Variants in DCK observed in about 807,000 individuals in gnomAD.
The protein encoded by DCK is deoxycytidine kinase.
Under a neutral mutation model 38.3 loss-of-function variants are expected in DCK, and 23 were observed. The ratio of observed to expected loss-of-function variants is 0.60; its 90% CI spans 0.43 to 0.85. DCK has a LOEUF of 0.85. DCK is among the 40% of genes least tolerant of loss of function. DCK has a pLI of 0.00. For missense variants in DCK, 259 were observed against 304.4 expected (o/e 0.85, Z 1.11); for synonymous variants, 108 against 100.6 (o/e 1.07, Z -0.44).
In DCK at chr4:71,009,359, T is replaced by C. The variant is rs1414878128; in HGVS notation, c.207+11177T>C. Among the ~76,000 whole-genome samples the C allele has an allele frequency of 2.0e-5, 3 of 152,176 alleles. No homozygotes were observed. The East Asian group carries it at 5.8e-4, about 29-fold the overall frequency. ...GCTTTCGTATATAAGACAAGACAATTTATAATAAGGTTGTCTGTTGAGCTT... is the reference window on the plus strand; with the variant it reads ...GCTTTCGTATATAAGACAAGACAATCTATAATAAGGTTGTCTGTTGAGCTT... On this transcript the variant is annotated intron_variant, in intron 2 of 6. Transcript: ENST00000286648.
intron 2 of DCK, among the ~76,000 whole-genome samples, chr4:71,021,355 G>A (rs972756353): frequency 2.6e-5 from 4 of 152,156 alleles, no homozygotes; most frequent in Non-Finnish European, 4.4e-5. Flanking sequence ...GATTACAGGC[G>A]TGAGCCACCG....
intron 2 of DCK, among the ~76,000 whole-genome samples, chr4:71,019,343 A>G (rs1740349790): frequency 6.6e-6 from 1 of 152,210 alleles, no homozygotes; most frequent in South Asian, 2.1e-4. Context: ...ATATTTATTG[A>G]GAAATTAAAA....
At chr4:71,011,232 CTTTTTTTTTTTTT>C (rs11322673) in intron 2 of DCK, among the ~76,000 whole-genome samples, 3 of 93,022 alleles carry the variant, frequency 3.2e-5, no homozygotes, top group Admixed American at 2.3e-4. Context: ...TGTGAGGTCT[CTTTTTTTTTTTTT>C]TTTTTTTTTT....
At chr4:71,000,705 G>T (rs529865321) in intron 2 of DCK, among the ~76,000 whole-genome samples, 1 of 152,246 alleles carries the variant, frequency 6.6e-6, no homozygotes, top group African/African-American at 2.4e-5. Context: ...CTTGAGCAGT[G>T]GTTTGTAGTT....
chr4:71,017,290 C>G (rs200344951), intron 2 of DCK, among the ~76,000 whole-genome samples: 2 of 152,124 alleles, frequency 1.3e-5, no homozygotes, highest in Non-Finnish European at 2.9e-5. Context: ...ACAGGTGCTG[C>G]AGAGGATGTG....
intron 2 of DCK, among the ~76,000 whole-genome samples, chr4:71,011,232 CTTT>C (rs11322673): frequency 7.5e-5 from 7 of 93,002 alleles, no homozygotes; most frequent in East Asian, 3.1e-4. Flanking sequence ...TGTGAGGTCT[CTTT>C]TTTTTTTTTT....
Position 70,994,688 on chromosome 4 carries a change from A to G in DCK, c.91+762A>G, listed in dbSNP as rs955400344. Among the ~76,000 whole-genome samples, 3 of 152,306 alleles carry G rather than the reference A, an allele frequency of 2.0e-5. No homozygotes were observed. In the South Asian group the frequency reaches 6.2e-4, roughly 32 times the overall value. On this transcript the variant is annotated intron_variant, in intron 1 of 6. Transcript: ENST00000286648. ...TTATTAGCGAAGCATTGTTTTAGCT[A>G]TATTATTAACGAAACTCGAAACATT...
At chr4:71,002,287 T>G (rs537421891) in intron 2 of DCK, among the ~76,000 whole-genome samples, 2 of 152,344 alleles carry the variant, frequency 1.3e-5, no homozygotes, top group East Asian at 1.9e-4. Context: ...TTGAGTGAGT[T>G]TCTTAATCCT....
rs72553929 is a variant in DCK, at chr4:71,022,432, A to G, written c.273A>G (p.Arg91=). 2.2e-5 allele frequency: 36 copies of G among 1,606,948 alleles called. No individual in the cohort carries two copies. The Admixed American group carries it at 6.2e-4, about 27-fold the overall frequency. Residue 91 remains arginine, a synonymous_variant, in exon 3 of 7, where the codon CGA becomes CGG. Transcript: ENST00000286648. Reference sequence around the variant, plus strand: ...AGATGATGTATGAGAAACCTGAACGATGGTCTTTTACCTTCCAAACATATG... The same window carrying G: ...AGATGATGTATGAGAAACCTGAACGGTGGTCTTTTACCTTCCAAACATATG... The part of the protein sequence containing the change: ...VLQMMYEKPE[R]WSFTFQTYAC...
intron 2 of DCK, among the ~76,000 whole-genome samples, chr4:71,013,783 C>G (rs541770988): frequency 6.6e-6 from 1 of 152,284 alleles, no homozygotes; most frequent in South Asian, 2.1e-4. Context: ...AAGGAACAAG[C>G]GGTACCAGCC....
intron 1 of DCK, among the ~76,000 whole-genome samples, chr4:70,994,503 G>A (rs113585587): frequency 1.3e-5 from 2 of 152,276 alleles, no homozygotes; most frequent in African/African-American, 2.4e-5. Flanking sequence ...TGTGTCTGGC[G>A]TCTTTCATTT....
intron 2 of DCK, among the ~76,000 whole-genome samples, chr4:71,016,250 A>G (rs1740258207): frequency 6.6e-6 from 1 of 152,238 alleles, no homozygotes; most frequent in South Asian, 2.1e-4. Flanking sequence ...CTCTTCAAGG[A>G]GAACTACAAA....
chr4:71,023,410 C>T, intron 3 of DCK, 149 bp from the exon 4 acceptor site: 2 of 573,474 alleles, frequency 3.5e-6, no homozygotes, highest in South Asian at 2.6e-5. Flanking sequence ...TGGCCAAAAA[C>T]ATGATGGAAA....
rs542685436 is a variant in DCK, at chr4:71,016,747, T to A, written c.208-5620T>A. Among the ~76,000 whole-genome samples the A allele has an allele frequency of 1.3e-3, 194 of 152,338 alleles. 2 individuals are homozygous for A. Among genetic ancestry groups the A allele is most frequent in the South Asian group, 0.012 (57 of 4,828 alleles). ...CTAGCCATATGTAGAAAGCTGAAAC[T>A]GGATCCCTTCCTTACACCTTATACA... On this transcript the variant is annotated intron_variant, in intron 2 of 6. Transcript: ENST00000286648.
chr4:70,996,815 T>C (rs1427827665), intron 1 of DCK, among the ~76,000 whole-genome samples: 1 of 152,226 alleles, frequency 6.6e-6, no homozygotes, highest in Non-Finnish European at 1.5e-5. Flanking sequence ...CTCATCTTAA[T>C]AGTCTGTTCA....
intron 2 of DCK, among the ~76,000 whole-genome samples, chr4:71,015,922 G>C (rs1177367354): frequency 6.6e-6 from 1 of 152,186 alleles, no homozygotes; most frequent in Non-Finnish European, 1.5e-5. Flanking sequence ...AGTGTTGGAA[G>C]TTCTGGCCAG....
At position 71,025,824 on chromosome 4, in the gene DCK, A is replaced by C. The variant is rs1278371563; in HGVS notation, c.558A>C (p.Leu186Phe). The C allele has an allele frequency of 6.2e-7, 1 of 1,607,616 alleles. No individual in the cohort carries two copies. The highest frequency in any genetic ancestry group is 1.7e-5 in the Admixed American group (1 of 59,016). The change falls in exon 5 of 7, where the codon TTA becomes TTC. Residue 186 changes from leucine to phenylalanine, a missense_variant. This residue lies in a region of DCK where 82 missense variants were observed against 103.8 expected (regional missense o/e 0.79). Coordinates refer to ENST00000286648, the MANE Select transcript of DCK (RefSeq NM_000788.3). ...TTATTACTTGCTTTTAGACATGCTT[A>C]CATAGAATATATTTACGGGGAAGAA... ...IYLQATPETC[L>F]HRIYLRGRNE...
chr4:71,006,923 T>G (rs1358560770), intron 2 of DCK, among the ~76,000 whole-genome samples: 2 of 152,180 alleles, frequency 1.3e-5, no homozygotes, highest in African/African-American at 4.8e-5. Flanking sequence ...CTAAAAAAAT[T>G]TAGCTGTTGG....
chr4:71,010,781 C>A (rs1423103778), intron 2 of DCK, among the ~76,000 whole-genome samples: 1 of 150,010 alleles, frequency 6.7e-6, no homozygotes, highest in East Asian at 1.9e-4. Flanking sequence ...ATGGTTAAAC[C>A]AAGCTAATTA....
Sources: gnomAD v4.1 joint callset for allele counts (sites outside exome capture counted in the v4.1 genomes callset) on GRCh38, gnomAD v4.1.1 for gene constraint, gnomAD v4.1.1 regional missense constraint, MANE v1.5 for transcripts, NCBI Gene and HGNC (gene_info 2026-07-23, HGNC 2026-07-21) for gene names.